Variants in HMBOX1 observed in about 807,000 individuals in gnomAD.
HMBOX1 encodes the protein homeobox-containing protein 1.
A neutral mutation model predicts 54.5 loss-of-function variants in HMBOX1; 14 were observed. That is an observed-to-expected ratio of 0.26 (90% CI 0.17 to 0.40). The LOEUF is 0.40. Ranked by LOEUF, HMBOX1 falls within the 10% of genes least tolerant of loss-of-function variation. The pLI is 1.00. For missense variants in HMBOX1, 332 were observed against 514.4 expected (o/e 0.65, Z 3.43); for synonymous variants, 160 against 181.0 (o/e 0.88, Z 0.93).
At chr8:29,019,026 C>T in intron 6 of HMBOX1, 113 bp downstream of exon 6, 2 of 848,592 alleles carry the variant, frequency 2.4e-6, no homozygotes, top group African/African-American at 1.7e-5. Flanking sequence ...TTGGTTCTAT[C>T]TCTAAAAGTA....
intron 1 of HMBOX1, among the ~76,000 whole-genome samples, chr8:28,903,111 A>T (rs1813555866): frequency 6.6e-6 from 1 of 151,980 alleles, no homozygotes. Flanking sequence ...TCTTTTACAC[A>T]CACACACACA....
At chr8:28,980,843 A>G (rs1355372643) in intron 4 of HMBOX1, among the ~76,000 whole-genome samples, 1 of 152,200 alleles carries the variant, frequency 6.6e-6, no homozygotes, top group Non-Finnish European at 1.5e-5. Flanking sequence ...ACTGGGCATT[A>G]GTCGTTAGAA....
At chr8:29,046,212 T>C (rs982965188) in intron 7 of HMBOX1, 1 of 152,234 alleles carries the variant, frequency 6.6e-6, no homozygotes, top group East Asian at 1.9e-4. Context: ...TCTAGCAATG[T>C]AGACCCTACA....
chr8:29,017,975 G>C (rs1196709093), intron 5 of HMBOX1, among the ~76,000 whole-genome samples: 2 of 152,180 alleles, frequency 1.3e-5, no homozygotes, highest in African/African-American at 4.8e-5. Flanking sequence ...ACTACAGGCA[G>C]AGAGAATTTT....
intron 1 of HMBOX1, chr8:28,915,776 C>G (rs1410369473): frequency 6.6e-6 from 1 of 151,910 alleles, no homozygotes; most frequent in Non-Finnish European, 1.5e-5. Context: ...CTTTAGCACA[C>G]TATAGCACAG....
intron 4 of HMBOX1, among the ~76,000 whole-genome samples, chr8:28,998,977 G>A (rs187895352): frequency 5.3e-5 from 8 of 151,930 alleles, no homozygotes; most frequent in Non-Finnish European, 1.2e-4. Flanking sequence ...TATAATTATT[G>A]CATTATATAG....
At chr8:29,026,027 C>A (rs1212072576) in intron 6 of HMBOX1, among the ~76,000 whole-genome samples, 2 of 143,458 alleles carry the variant, frequency 1.4e-5, no homozygotes, top group Admixed American at 1.4e-4. Context: ...CCACAAACTA[C>A]CTACTTGCTA....
In HMBOX1 at chr8:29,024,565, A is replaced by G. The variant is rs537159310; in HGVS notation, c.851+5652A>G. ...ATAATCAGGGGGAAATAAATGTAAA[A>G]TAAAATGTAAAATATATTTAAGTTA... On this transcript the variant is annotated intron_variant, in intron 6 of 9. Transcript: ENST00000287701. 9.8e-5 allele frequency among the ~76,000 whole-genome samples: 15 copies of G among 152,334 alleles called. No individual in the cohort carries two copies. The East Asian group carries it at 2.9e-3, about 29-fold the overall frequency.
At position 29,009,457 on chromosome 8, in the gene HMBOX1, C is replaced by T. The variant is rs182826774; in HGVS notation, c.697+275C>T. The T allele has an allele frequency of 4.3e-3, 4,164 of 978,190 alleles. 121 individuals carry two copies. In the African/African-American group the frequency reaches 0.067, roughly 16 times the overall value. The allele number at this position is 978,190 out of a possible 1,614,324, so 60.6% of individuals were successfully genotyped here. ...TATTTCTAGCCATAGTTTGAAAGAA[C>T]GCTATGAATGTTCAGTGGCTGATTT... On this transcript the variant is annotated intron_variant, in intron 5 of 9. Transcript: ENST00000287701.
chr8:29,049,095 G>C, intron 9 of HMBOX1, 47 bp downstream of exon 9: 1 of 1,565,746 alleles, frequency 6.4e-7, no homozygotes, highest in Non-Finnish European at 8.8e-7. Flanking sequence ...CTGAGCAGGG[G>C]GTATAGTGGG....
chr8:29,040,495 A>C (rs1804657234), intron 6 of HMBOX1, among the ~76,000 whole-genome samples: 1 of 152,236 alleles, frequency 6.6e-6, no homozygotes, highest in Non-Finnish European at 1.5e-5. Context: ...TTATCAGTTT[A>C]GATTATACTG....
At chr8:28,890,340 A>T (rs1438313018), upstream of HMBOX1, 1 of 172,566 alleles carries the variant, frequency 5.8e-6, no homozygotes, top group Non-Finnish European at 1.3e-5. Flanking sequence ...TTCTCAGGGG[A>T]GGCAGGAACT....
chr8:29,014,938 C>T (rs573948985), intron 5 of HMBOX1, among the ~76,000 whole-genome samples: 2 of 152,328 alleles, frequency 1.3e-5, no homozygotes, highest in South Asian at 4.1e-4. Context: ...CCTCAGCCTC[C>T]TAAAGTGCTG....
At chr8:28,951,408 G>T (rs2132126038) in intron 1 of HMBOX1, among the ~76,000 whole-genome samples, 1 of 152,350 alleles carries the variant, frequency 6.6e-6, no homozygotes, top group East Asian at 1.9e-4. Flanking sequence ...TGGGATTACA[G>T]GCGTGAGCCA....
intron 4 of HMBOX1, among the ~76,000 whole-genome samples, chr8:28,983,739 C>A (rs1829764902): frequency 6.6e-6 from 1 of 152,176 alleles, no homozygotes; most frequent in Non-Finnish European, 1.5e-5. Context: ...TGACTTTCTT[C>A]AGTGGTGTGC....
In HMBOX1 at chr8:28,932,414, G is replaced by A. The variant is rs59727238; in HGVS notation, c.-57-31397G>A. Among the ~76,000 whole-genome samples the A allele has an allele frequency of 5.2e-3, 785 of 152,302 alleles. 4 individuals carry two copies. The highest frequency in any genetic ancestry group is 0.017 in the African/African-American group (691 of 41,582). ...TTGTAAATTCTGCTTTCTAAAGAGAGGGATTAGTAGACACTGATAGACAGT... is the reference window on the plus strand; with the variant it reads ...TTGTAAATTCTGCTTTCTAAAGAGAAGGATTAGTAGACACTGATAGACAGT... On this transcript the variant is annotated intron_variant, in intron 1 of 9. Transcript: ENST00000287701.
At position 29,049,015 on chromosome 8, in the gene HMBOX1, T is replaced by C. The variant is rs1414032873; in HGVS notation, c.1092T>C (p.Ser364=). ...AGAGTCCAGGAGGCCACTCAAACAG[T>C]GATGATGTCGACGGGAATGACTACT... ...DVQSPGGHSN[S]DDVDGNDYSE... Residue 364 remains serine (S), a synonymous_variant, in exon 9 of 10, where the codon AGT becomes AGC. Transcript: ENST00000287701. 6.2e-7 allele frequency: 1 copy of C among 1,613,900 alleles called. No individual in the cohort carries two copies. The highest frequency in any genetic ancestry group is 1.7e-5 in the Admixed American group (1 of 59,996).
intron 1 of HMBOX1, chr8:28,915,522 A>C (rs1017220556): frequency 5.5e-5 from 8 of 146,092 alleles, no homozygotes; most frequent in African/African-American, 1.6e-4. Context: ...GTGCCACTGC[A>C]CTCCAGCCTG....
At chr8:28,969,261 C>T (rs1382165110) in intron 2 of HMBOX1, among the ~76,000 whole-genome samples, 1 of 152,074 alleles carries the variant, frequency 6.6e-6, no homozygotes, top group Non-Finnish European at 1.5e-5. Context: ...TGTTACTCAC[C>T]CTAAGAAAAC....
Sources: gnomAD v4.1 joint callset for allele counts (sites outside exome capture counted in the v4.1 genomes callset) on GRCh38, gnomAD v4.1.1 for gene constraint, MANE v1.5 for transcripts, NCBI Gene and HGNC (gene_info 2026-07-23, HGNC 2026-07-21) for gene names.